The following ZNF335 variants were observed in gnomAD, a reference collection of about 807,000 sequenced individuals.
ZNF335 encodes the protein NRC-interacting factor 1.
ZNF335 carries 84 observed loss-of-function variants against 145.6 expected under a neutral mutation model. The observed-to-expected ratio is 0.58, with a 90% CI of 0.48 to 0.69. The LOEUF (loss-of-function observed/expected upper bound fraction) is 0.69. ZNF335 is among the 30% of genes least tolerant of loss of function. The pLI is 0.00. For missense variants in ZNF335, 1,865 were observed against 1,809.7 expected (o/e 1.03, Z -0.55); for synonymous variants, 761 against 717.0 (o/e 1.06, Z -0.98).
rs1406526194 is a variant in ZNF335 at position 45,953,941 on chromosome 20, A to T, written c.2450T>A (p.Val817Glu). The change falls in exon 18 of 28, where the codon GTG becomes GAG. Residue 817 changes from valine to glutamate, a missense_variant. Val to Glu is a moderately radical substitution (Grantham distance 121, BLOSUM62 -2). Transcript: ENST00000322927. ...TGCTTCCACATCTTCCGACTTCACCACAGCCACCTGCAACGGCACCAGGGG... is the reference window on the plus strand; with the variant it reads ...TGCTTCCACATCTTCCGACTTCACCTCAGCCACCTGCAACGGCACCAGGGG... Reference protein sequence around the residue: ...ELGGTALQVAVVKSEDVEAGL... With the variant: ...ELGGTALQVAEVKSEDVEAGL... The T allele has an allele frequency of 6.9e-6, 11 of 1,592,982 alleles. No homozygotes were observed. Among genetic ancestry groups the T allele is most frequent in the Non-Finnish European group, 8.6e-6 (10 of 1,168,602 alleles).
At position 45,967,794 on chromosome 20, in the gene ZNF335, A is replaced by T; in HGVS notation, c.754T>A (p.Tyr252Asn). 6.2e-7 allele frequency: 1 copy of T among 1,613,588 alleles called. No homozygotes were observed. Among genetic ancestry groups the T allele is most frequent in the Admixed American group, 1.7e-5 (1 of 60,016 alleles). Reference protein sequence around the residue: ...VQQFKCKMCQYRSSTKATLLR... With the variant: ...VQQFKCKMCQNRSSTKATLLR... ...AGTGTGGCCTTGGTGCTGCTCCGGT[A>T]CTGGCACATCTTGCATTTGAACTGC... The change falls in exon 5 of 28, where the codon TAC (tyrosine) becomes AAC (asparagine). Residue 252 changes from tyrosine (Y) to asparagine (N), a missense_variant. Coordinates refer to ENST00000322927, the MANE Select transcript of ZNF335 (RefSeq NM_022095.4).
rs1427279281 is a variant in ZNF335, at chr20:45,950,049, C to G, written c.3508G>C (p.Gly1170Arg). ...TGTAGCCGCTCTGGGCCCAGGACCC[C>G]GTGACTGGACTGGAGTGCAGCTGGG... ...TLHTALQSSH[G>R]VLGPERLQQA... is the part of the protein sequence containing the mutation. Residue 1170 changes from glycine to arginine, a missense_variant, in exon 23 of 28, where the codon GGG (glycine) becomes CGG (arginine). Coordinates refer to ENST00000322927, the MANE Select transcript of ZNF335 (RefSeq NM_022095.4). The G allele has an allele frequency of 1.3e-5, 21 of 1,613,720 alleles. No homozygotes were observed. The highest frequency in any genetic ancestry group is 1.7e-5 in the Non-Finnish European group (20 of 1,179,964).
In ZNF335 at chr20:45,949,897, T is replaced by C. The variant is rs772381229; in HGVS notation, c.3592-20A>G. 1.9e-6 allele frequency: 3 copies of C among 1,614,108 alleles called. No individual in the cohort carries two copies. The highest frequency in any genetic ancestry group is 2.5e-6 in the Non-Finnish European group (3 of 1,180,004). On this transcript the variant is annotated intron_variant, in intron 23 of 27. Transcript: ENST00000322927. ...TTCCTCCTGCCAGGACCAAGACAGC[T>C]CTAGCCTCATTTCTCTACCCCAACC...
At position 45,949,542 on chromosome 20, in the gene ZNF335, A is replaced by G. The variant is rs753015159; in HGVS notation, c.3696T>C (p.Gly1232=). 35 of 1,612,770 alleles carry G rather than the reference A, an allele frequency of 2.2e-5. No individual in the cohort carries two copies. Among genetic ancestry groups the G allele is most frequent in the Admixed American group, 3.3e-5 (2 of 59,938 alleles). The change falls in exon 25 of 28, where the codon GGT becomes GGC. Residue 1232 remains glycine (G), a synonymous_variant. Transcript: ENST00000322927. ...ATTCCTGGGGGAGCAGGTGCTGGAC[A>G]CCATCCTGGGAGATGATATACTGCA... ...NQVQYIISQD[G]VQHLLPQEYV...
At chr20:45,964,311 C>A in intron 7 of ZNF335, 1 of 269,910 alleles carries the variant, frequency 3.7e-6, no homozygotes. Context: ...AAAGCCATTC[C>A]TCTCCCGGAG....
intron 15 of ZNF335, among the ~76,000 whole-genome samples, chr20:45,958,942 C>T (rs1413194106): frequency 6.6e-6 from 1 of 152,212 alleles, no homozygotes; most frequent in Non-Finnish European, 1.5e-5. Context: ...CAGCCCTAGA[C>T]TGCCGACCTG....
At position 45,967,819 on chromosome 20, in the gene ZNF335, C is replaced by T. The variant is rs6032608; in HGVS notation, c.729G>A (p.Gln243=). 1.9e-6 allele frequency: 3 copies of T among 1,613,430 alleles called. No individual in the cohort carries two copies. Among genetic ancestry groups the T allele is most frequent in the Non-Finnish European group, 2.5e-6 (3 of 1,180,038 alleles). The change falls in exon 5 of 28, where the codon CAG becomes CAA. Residue 243 remains glutamine, a synonymous_variant. Transcript: ENST00000322927. ...ACTGGCACATCTTGCATTTGAACTGCTGCACCACCACCACCTCCATCATGG... is the reference window on the plus strand; with the variant it reads ...ACTGGCACATCTTGCATTTGAACTGTTGCACCACCACCACCTCCATCATGG... ...LEAMMEVVVV[Q]QFKCKMCQYR...
chr20:45,952,508 C>A lies in ZNF335; in HGVS notation c.2828G>T (p.Gly943Val). The A allele has an allele frequency of 6.4e-7, 1 of 1,573,724 alleles. No individual in the cohort carries two copies. The highest frequency in any genetic ancestry group is 8.7e-7 in the Non-Finnish European group (1 of 1,155,986). The change falls in exon 20 of 28, where the codon GGC becomes GTC. Residue 943 changes from glycine (G) to valine (V), a missense_variant. By Grantham distance (109) the Gly-to-Val change is moderately radical (BLOSUM62 -3). Transcript: ENST00000322927. ...QLHHIELTADGSISFPSPDAL... is the reference protein window; with the variant it reads ...QLHHIELTADVSISFPSPDAL... ...ATCTGGACTTGGGAAGGAGATGGAGCCATCTGCGGTGAGCTGTAGAGAGAC... is the reference window on the plus strand; with the variant it reads ...ATCTGGACTTGGGAAGGAGATGGAGACATCTGCGGTGAGCTGTAGAGAGAC...
chr20:45,953,662 AG>A (rs778309421), intron 18 of ZNF335, 26 bp downstream of exon 18: 9 of 1,608,124 alleles, frequency 5.6e-6, no homozygotes, highest in Non-Finnish European at 7.7e-6. Context: ...AAAAGCTGAA[AG>A]GGGCCTTGCA....
In ZNF335 at chr20:45,949,328, C is replaced by T. The variant is rs745927171; in HGVS notation, c.3819+5G>A. On this transcript the variant is annotated splice_donor_5th_base_variant and intron_variant, in intron 26 of 27. Coordinates refer to ENST00000322927, the MANE Select transcript of ZNF335 (RefSeq NM_022095.4). The stretch of plus-strand genomic sequence containing the variant: ...CCAGGTCTCCCTGTCCCCCCACGGC[C>T]CTACCTGGGACTCCTGAAGGAACGG... 5.6e-6 allele frequency: 9 copies of T among 1,614,014 alleles called. No individual in the cohort carries two copies. In the Admixed American group the frequency reaches 1.2e-4, roughly 21 times the overall value.
intron 17 of ZNF335, among the ~76,000 whole-genome samples, chr20:45,955,989 G>A (rs1227255856): frequency 1.3e-5 from 2 of 152,108 alleles, no homozygotes; most frequent in African/African-American, 4.8e-5. Context: ...GGAGAATAAG[G>A]GTAACTGCAG....
chr20:45,949,414 C>T lies in ZNF335; in HGVS notation c.3754-16G>A, dbSNP rs757703982. 2.5e-6 allele frequency: 4 copies of T among 1,614,106 alleles called. No individual in the cohort carries two copies. The highest frequency in any genetic ancestry group is 3.4e-6 in the Non-Finnish European group (4 of 1,180,012). Reference sequence around the variant, plus strand: ...CCTCCTGTACCTGCAGAGAGGAAGCCAAGCTGTGATCCTAGGGAGAGGTCA... The same window carrying T: ...CCTCCTGTACCTGCAGAGAGGAAGCTAAGCTGTGATCCTAGGGAGAGGTCA... On this transcript the variant is annotated splice_polypyrimidine_tract_variant and intron_variant, in intron 25 of 27. Coordinates refer to ENST00000322927, the MANE Select transcript of ZNF335 (RefSeq NM_022095.4).
At chr20:45,969,805 G>A in intron 2 of ZNF335, 114 bp from the exon 3 acceptor site, 2 of 1,444,266 alleles carry the variant, frequency 1.4e-6, no homozygotes, top group South Asian at 1.3e-5. Flanking sequence ...ATGGTCAGTG[G>A]AGCCACTCAT....
At chr20:45,952,783 A>G in intron 18 of ZNF335, 74 bp from the exon 19 acceptor site, 18 of 1,371,534 alleles carry the variant, frequency 1.3e-5, no homozygotes, top group Non-Finnish European at 1.7e-5. Flanking sequence ...ACAGGCATCA[A>G]CTGAGGAGTG....
rs1436710087 is a variant in ZNF335, at chr20:45,967,589, T to C, written c.860A>G (p.Lys287Arg). 1.2e-6 allele frequency: 2 copies of C among 1,614,038 alleles called. 1 individual carries two copies. The highest frequency in any genetic ancestry group is 2.2e-5 in the South Asian group (2 of 91,076). Residue 287 changes from lysine (K) to arginine (R), a missense_variant, in exon 6 of 28, where the codon AAG (lysine) becomes AGG (arginine). Transcript: ENST00000322927. ...AAAGKKGRLR[K>R]WSTSTKSQEE... ...TTGGCTCTTGGTGGAGGTGCTCCACTTCCGTAGACGTCCTTTTTTACCAGC... is the reference window on the plus strand; with the variant it reads ...TTGGCTCTTGGTGGAGGTGCTCCACCTCCGTAGACGTCCTTTTTTACCAGC...
rs764886503 is a variant in ZNF335 at position 45,949,595 on chromosome 20, G to A, written c.3670-27C>T. On this transcript the variant is annotated intron_variant, in intron 24 of 27. Coordinates refer to ENST00000322927, the MANE Select transcript of ZNF335 (RefSeq NM_022095.4). The stretch of plus-strand genomic sequence containing the variant: ...TGTTGGTGGGGGGGGCGGGCATGGC[G>A]AGGCAGGTGCTGAGGCCCCACTCGC... The A allele has an allele frequency of 1.8e-5, 29 of 1,593,598 alleles. No homozygotes were observed. In the East Asian group the frequency reaches 2.2e-4, roughly 12 times the overall value.
intron 9 of ZNF335, 107 bp downstream of exon 9, chr20:45,963,366 C>T (rs1357609899): frequency 1.6e-5 from 21 of 1,282,708 alleles, no homozygotes; most frequent in African/African-American, 3.0e-5. Context: ...AGCAGGAGAG[C>T]GTGACCCAGA....
At chr20:45,954,035 A>G (rs1344425176) in intron 17 of ZNF335, 87 bp from the exon 18 acceptor site, 12 of 1,450,162 alleles carry the variant, frequency 8.3e-6, no homozygotes, top group African/African-American at 1.4e-5. Context: ...AGTGTCCCAG[A>G]TGCACCCACA....
In ZNF335 at chr20:45,952,125, C is replaced by G. The variant is rs375782735; in HGVS notation, c.3189+22G>C. The G allele has an allele frequency of 2.9e-5, 45 of 1,567,562 alleles. No homozygotes were observed. In the African/African-American group the frequency reaches 4.8e-4, roughly 17 times the overall value. ...GTAGCCCAATGAATGACAGCAGAGA[C>G]ACAGGAGCAACCAGCACCTACCCGG... On this transcript the variant is annotated intron_variant, in intron 20 of 27. Transcript: ENST00000322927.
Sources: allele counts gnomAD v4.1 joint callset (sites outside exome capture counted in the v4.1 genomes callset), GRCh38; gene constraint gnomAD v4.1.1; transcripts MANE v1.5; gene names NCBI Gene and HGNC (gene_info 2026-07-23, HGNC 2026-07-21).